Variants in MDH1B observed in about 807,000 individuals in gnomAD.
MDH1B encodes putative malate dehydrogenase 1B.
MDH1B carries 60 observed loss-of-function variants against 61.4 expected under a neutral mutation model. That is an observed-to-expected ratio of 0.98 (90% confidence interval 0.79 to 1.21). The LOEUF (loss-of-function observed/expected upper bound fraction) is 1.21. Among genes scored for constraint, MDH1B ranks in the 50% most tolerant of loss-of-function variants. The probability of loss-of-function intolerance (pLI) is 0.00; values close to 1 mark genes in which losing one functional copy is unlikely to be tolerated. For synonymous variants in MDH1B, 236 were observed against 218.7 expected, an observed-to-expected ratio of 1.08 and a Z score of -0.70; for missense variants, 587 against 632.1, an observed-to-expected ratio of 0.93 and a Z score of 0.76.
intron 1 of MDH1B, among the ~76,000 whole-genome samples, chr2:206,764,067 G>T (rs1392808905): frequency 6.6e-6 from 1 of 152,158 alleles, no homozygotes; most frequent in Non-Finnish European, 1.5e-5. Flanking sequence ...GGGAGGTCAA[G>T]GTGGGCAAAT....
chr2:206,757,447 C>A, intron 2 of MDH1B, 76 bp from the exon 3 acceptor site: 1 of 1,434,906 alleles, frequency 7.0e-7, no homozygotes. Context: ...AGAATTCAAA[C>A]ATTAAAATAC....
rs149017855 is a variant in MDH1B, at chr2:206,748,521, G to GGGTC, written c.1216+495_1216+498dup. 5.8e-3 allele frequency among the ~76,000 whole-genome samples: 884 copies of GGGTC among 152,304 alleles called. 9 individuals carry two copies. Among genetic ancestry groups the GGGTC allele is most frequent in the African/African-American group, 0.02 (814 of 41,560 alleles). ...AGCGCTGCCTGGTACCCTGAGATCTGGGTCCTGAAGTGCCTCTCTCTATCC... is the reference window on the plus strand; with the variant it reads ...AGCGCTGCCTGGTACCCTGAGATCTGGGTCGGTCCTGAAGTGCCTCTCTCTATCC... On this transcript the variant is annotated intron_variant, in intron 7 of 11. Coordinates refer to ENST00000374412, the MANE Select transcript of MDH1B (RefSeq NM_001039845.3).
At chr2:206,749,930 T>C (rs1349482227) in intron 6 of MDH1B, among the ~76,000 whole-genome samples, 1 of 152,212 alleles carries the variant, frequency 6.6e-6, no homozygotes, top group Non-Finnish European at 1.5e-5. Context: ...AAAATAATTA[T>C]GTTTTTATGA....
At chr2:206,756,816 CA>C in intron 4 of MDH1B, 81 bp downstream of exon 4, 1 of 1,468,926 alleles carries the variant, frequency 6.8e-7, no homozygotes, top group African/African-American at 1.4e-5. Context: ...GGTATTCTTC[CA>C]TCATGAAATT....
chr2:206,747,917 TC>T (rs5838042), intron 7 of MDH1B, among the ~76,000 whole-genome samples: 18,714 of 152,132 alleles, frequency 0.12, 1,677 homozygotes, highest in African/African-American at 0.26. Flanking sequence ...TGACATGACA[TC>T]CAGGTGACAA....
chr2:206,761,109 TTATGA>T (rs1261828746), intron 1 of MDH1B, 96 bp from the exon 2 acceptor site: 10 of 642,608 alleles, frequency 1.6e-5, no homozygotes, highest in Admixed American at 8.0e-5. Flanking sequence ...TTAGTCATAG[TTATGA>T]TATAATTTGA....
intron 5 of MDH1B, among the ~76,000 whole-genome samples, chr2:206,752,950 G>A (rs1164733217): frequency 2.0e-5 from 3 of 151,692 alleles, no homozygotes; most frequent in Admixed American, 2.0e-4. Flanking sequence ...CCTGCCCCTG[G>A]CCATGATGAT....
chr2:206,739,187 G>A (rs1322935349), intron 11 of MDH1B, among the ~76,000 whole-genome samples: 4 of 152,160 alleles, frequency 2.6e-5, no homozygotes, highest in African/African-American at 7.2e-5. Flanking sequence ...AGGCCAAAGT[G>A]GATGGTCACT....
chr2:206,739,504 A>C, intron 11 of MDH1B, 89 bp downstream of exon 11: 5 of 1,197,370 alleles, frequency 4.2e-6, no homozygotes, highest in Non-Finnish European at 6.1e-6. Flanking sequence ...GTTTGACAAG[A>C]ATAGTATTGC....
At chr2:206,750,432 TGGTCACACAGCTACTAA>T (rs1326472092) in intron 6 of MDH1B, among the ~76,000 whole-genome samples, 4 of 149,326 alleles carry the variant, frequency 2.7e-5, no homozygotes, top group Admixed American at 6.6e-5. Context: ...GGTAACATGA[TGGTCACACAGCTACTAA>T]GGTCACACAG....
chr2:206,748,616 A>C (rs56414204), intron 7 of MDH1B, among the ~76,000 whole-genome samples: 19,085 of 152,114 alleles, frequency 0.13, 1,771 homozygotes, highest in African/African-American at 0.27. Flanking sequence ...TCCAGGTCAA[A>C]GCTCCTCATA....
intron 5 of MDH1B, among the ~76,000 whole-genome samples, chr2:206,752,894 T>G (rs1688533802): frequency 6.6e-6 from 1 of 151,946 alleles, no homozygotes; most frequent in Non-Finnish European, 1.5e-5. Flanking sequence ...TCCTCACGCC[T>G]TAGGTCCACC....
At position 206,746,338 on chromosome 2, in the gene MDH1B, A is replaced by G; in HGVS notation, c.1305T>C (p.Asp435=). The G allele has an allele frequency of 1.2e-6, 2 of 1,613,900 alleles. No homozygotes were observed. The highest frequency in any genetic ancestry group is 1.7e-6 in the Non-Finnish European group (2 of 1,179,900). Residue 435 remains aspartate (D), a synonymous_variant, in exon 8 of 12, where the codon GAT becomes GAC. Transcript: ENST00000374412. ...GTWVVLTDLK[D]VEISEQIMTR... is the part of the protein sequence containing the mutation. ...TCATTATTTGTTCACTTATTTCAACATCTTTGAGATCTGTAAGAACCACCC... is the reference window on the plus strand; with the variant it reads ...TCATTATTTGTTCACTTATTTCAACGTCTTTGAGATCTGTAAGAACCACCC...
In MDH1B at chr2:206,751,028, C is replaced by T. The variant is rs148716417; in HGVS notation, c.958G>A (p.Val320Ile). Residue 320 changes from valine to isoleucine, a missense_variant, in exon 6 of 12, where the codon GTT becomes ATT. Transcript: ENST00000374412. ...IWGNISGNNY[V>I]DLRKTRVYRY... is the part of the protein sequence containing the mutation. ...TACACCCTTGTTTTTCTCAGATCAA[C>T]GTAATTATTTCCACTGATATTACCC... 24 of 1,608,098 alleles carry T rather than the reference C, an allele frequency of 1.5e-5. No individual in the cohort carries two copies. The highest frequency in any genetic ancestry group is 5.5e-5 in the South Asian group (5 of 90,220).
intron 1 of MDH1B, among the ~76,000 whole-genome samples, chr2:206,763,327 A>G (rs1401037043): frequency 6.7e-6 from 1 of 148,594 alleles, no homozygotes; most frequent in Non-Finnish European, 1.5e-5. Flanking sequence ...TTTCTCCCTT[A>G]TCTGCCCTCC....
intron 9 of MDH1B, among the ~76,000 whole-genome samples, chr2:206,744,940 AAAT>A (rs1198826032): frequency 6.8e-6 from 1 of 147,360 alleles, no homozygotes; most frequent in Non-Finnish European, 1.5e-5. Flanking sequence ...ATAAATAAAT[AAAT>A]AAATAAAATA....
At chr2:206,760,440 C>A (rs12468081) in intron 2 of MDH1B, among the ~76,000 whole-genome samples, 18,718 of 152,138 alleles carry the variant, frequency 0.12, 1,677 homozygotes, top group African/African-American at 0.26. Context: ...CAAACTTCAA[C>A]TTCTCCCTTT....
intron 1 of MDH1B, 67 bp from the exon 2 acceptor site, chr2:206,761,080 T>C (rs1689066643): frequency 1.2e-6 from 1 of 846,888 alleles, no homozygotes; most frequent in South Asian, 1.8e-5. Flanking sequence ...TTCTAAGTAT[T>C]TGCTATGTAA....
intron 2 of MDH1B, among the ~76,000 whole-genome samples, chr2:206,757,923 G>A (rs866025649): frequency 1.3e-5 from 2 of 152,222 alleles, no homozygotes; most frequent in Middle Eastern, 6.8e-3. Context: ...CAAGATCTGA[G>A]TACAGTCAAA....
Sources: gnomAD v4.1 joint callset for allele counts (sites outside exome capture counted in the v4.1 genomes callset) on GRCh38, gnomAD v4.1.1 for gene constraint, MANE v1.5 for transcripts, NCBI Gene and HGNC (gene_info 2026-07-23, HGNC 2026-07-21) for gene names.